SIK3: variants seen among roughly 807,000 people sequenced by gnomAD.
The protein encoded by SIK3 is serine/threonine-protein kinase SIK3.
A neutral mutation model predicts 144.2 loss-of-function variants in SIK3; 28 were observed. The ratio of observed to expected loss-of-function variants is 0.19; its 90% CI spans 0.14 to 0.27. The LOEUF is 0.27. Ranked by LOEUF, SIK3 falls within the 10% of genes least tolerant of loss-of-function variation. The pLI is 1.00. For synonymous variants in SIK3, 686 were observed against 676.3 expected, an observed-to-expected ratio of 1.01 and a Z score of -0.22; for missense variants, 1,319 against 1,776.0, an observed-to-expected ratio of 0.74 and a Z score of 4.62.
At position 116,875,333 on chromosome 11, in the gene SIK3, A is replaced by G. The variant is rs372327628; in HGVS notation, c.1317+41T>C. On this transcript the variant is annotated intron_variant, in intron 10 of 24. Transcript: ENST00000445177. Reference sequence around the variant, plus strand: ...GAAGGGAAGCAAGGATATGGCAAAGAAAGTGGTTTCAGCTGACAGCTCCCA... The same window carrying G: ...GAAGGGAAGCAAGGATATGGCAAAGGAAGTGGTTTCAGCTGACAGCTCCCA... 3.7e-6 allele frequency: 6 copies of G among 1,613,396 alleles called. No individual in the cohort carries two copies. In the African/African-American group the frequency reaches 8.0e-5, roughly 22 times the overall value.
intron 1 of SIK3, among the ~76,000 whole-genome samples, chr11:116,970,695 C>T (rs907192021): frequency 2.0e-5 from 3 of 151,930 alleles, no homozygotes; most frequent in African/African-American, 4.8e-5. Context: ...CCGTTGACCA[C>T]GCTGGAGTGC....
intron 3 of SIK3, among the ~76,000 whole-genome samples, chr11:116,952,568 T>C (rs1481636474): frequency 6.6e-6 from 1 of 152,208 alleles, no homozygotes; most frequent in East Asian, 1.9e-4. Context: ...TTCTCTCTTG[T>C]GCTTTCATTT....
In SIK3 at chr11:116,857,986, T is replaced by C. The variant is rs370240592; in HGVS notation, c.3479A>G (p.Lys1160Arg). 3 of 1,614,228 alleles carry C rather than the reference T, an allele frequency of 1.9e-6. No individual in the cohort carries two copies. Among genetic ancestry groups the C allele is most frequent in the East Asian group, 2.2e-5 (1 of 44,888 alleles). The change falls in exon 21 of 25, where the codon AAG (lysine) becomes AGG (arginine). Residue 1160 changes from lysine (K) to arginine (R), a missense_variant. By Grantham distance (26) the Lys-to-Arg change is conservative. Coordinates refer to ENST00000445177, the MANE Select transcript of SIK3 (RefSeq NM_001366686.3). ...EGAKDGFQDS[K>R]SSSTLTKGCH... ...ACCTTTGGTCAATGTACTTGAACTC[T>C]TACTGTCTTGGAAGCCATCCTTGGC...
intron 15 of SIK3, among the ~76,000 whole-genome samples, chr11:116,866,515 C>T (rs1364845920): frequency 6.6e-6 from 1 of 152,110 alleles, no homozygotes; most frequent in Non-Finnish European, 1.5e-5. Flanking sequence ...GATCTCGGCT[C>T]ACTGCAACGT....
chr11:116,936,627 G>A (rs139961185), intron 3 of SIK3, among the ~76,000 whole-genome samples: 1,754 of 152,112 alleles, frequency 0.012, 86 homozygotes, highest in Admixed American at 0.087. Context: ...TACAAAATAC[G>A]CTAAATTTTC....
rs757603586 is a variant in SIK3 at position 116,858,657 on chromosome 11, C to T, written c.2808G>A (p.Ala936=). 9 of 1,574,076 alleles carry T rather than the reference C, an allele frequency of 5.7e-6. No homozygotes were observed. The highest frequency in any genetic ancestry group is 4.5e-5 in the East Asian group (2 of 44,494). Residue 936 remains alanine (A), a synonymous_variant, in exon 21 of 25, where the codon GCG becomes GCA. Transcript: ENST00000445177. This position sits in a 1 kb window ranked among gnomAD's most constrained non-coding sequence, Gnocchi z 5.4. ...NRFSPANYDQ[A]HLHPHLFSDQ... The stretch of plus-strand genomic sequence containing the variant: ...CCGAAAACAGATGGGGGTGTAAATG[C>T]GCCTGGTCGTAGTTAGCAGGGGAGA...
chr11:117,089,459 A>C (rs1955154099), intron 1 of SIK3, among the ~76,000 whole-genome samples: 2 of 151,468 alleles, frequency 1.3e-5, no homozygotes, highest in Admixed American at 1.3e-4. Flanking sequence ...TTGGGGTGGC[A>C]AGAAGACTTC....
chr11:116,967,015 G>GAAAAA, intron 1 of SIK3, among the ~76,000 whole-genome samples: 1 of 127,860 alleles, frequency 7.8e-6, no homozygotes, highest in South Asian at 2.4e-4. Flanking sequence ...AAAAAAAAAA[G>GAAAAA]AAAAAGAAAA....
intron 6 of SIK3, among the ~76,000 whole-genome samples, chr11:116,894,859 T>C (rs969912465): frequency 1.3e-5 from 2 of 152,222 alleles, no homozygotes; most frequent in East Asian, 1.9e-4. Context: ...TGGACTATTG[T>C]AAAAGTCTCC....
chr11:117,087,595 T>C (rs1955072308), intron 1 of SIK3, among the ~76,000 whole-genome samples: 1 of 152,122 alleles, frequency 6.6e-6, no homozygotes, highest in Admixed American at 6.5e-5. Flanking sequence ...TTAAAAGCCC[T>C]ACACCCCCAA....
intron 1 of SIK3, among the ~76,000 whole-genome samples, chr11:117,087,885 A>G (rs574615407): frequency 5.1e-4 from 77 of 151,952 alleles, no homozygotes; most frequent in Non-Finnish European, 9.6e-4. Flanking sequence ...AAAAACTAGA[A>G]ATAAAATTAT....
chr11:116,940,873 A>T (rs949203921), intron 3 of SIK3, among the ~76,000 whole-genome samples: 1 of 152,152 alleles, frequency 6.6e-6, no homozygotes, highest in African/African-American at 2.4e-5. Flanking sequence ...AATAATAATA[A>T]ATGGGAAATT....
At chr11:117,021,938 A>AAAAAAAAAAAAAAAAAAAAAAAC (rs1951787679) in intron 1 of SIK3, among the ~76,000 whole-genome samples, 1 of 127,390 alleles carries the variant, frequency 7.8e-6, no homozygotes, top group Non-Finnish European at 1.6e-5. Flanking sequence ...CAAAAAAAAA[A>AAAAAAAAAAAAAAAAAAAAAAAC]AAAAAAAAAA....
intron 4 of SIK3, among the ~76,000 whole-genome samples, chr11:116,907,772 T>G (rs936740937): frequency 1.3e-5 from 2 of 152,220 alleles, no homozygotes; most frequent in Admixed American, 1.3e-4. Context: ...TCAGGAATAC[T>G]GCGTCAAGTT....
At chr11:116,939,893 AAT>A (rs1948191509) in intron 3 of SIK3, among the ~76,000 whole-genome samples, 1 of 152,226 alleles carries the variant, frequency 6.6e-6, no homozygotes, top group Non-Finnish European at 1.5e-5. Context: ...GATTATAAAA[AAT>A]TTAGACATTT....
intron 3 of SIK3, among the ~76,000 whole-genome samples, chr11:116,934,884 A>G (rs1947824499): frequency 6.6e-6 from 1 of 152,206 alleles, no homozygotes; most frequent in Non-Finnish European, 1.5e-5. Flanking sequence ...GTTCAAGACC[A>G]GCCTGGCCAA....
chr11:116,846,935 T>C lies in SIK3; in HGVS notation c.3953-382A>G, dbSNP rs1307553770. Among the ~76,000 whole-genome samples, 1 of 152,218 alleles carries C rather than the reference T, an allele frequency of 6.6e-6. No individual in the cohort carries two copies. The highest frequency in any genetic ancestry group is 2.1e-4 in the South Asian group (1 of 4,834). On this transcript the variant is annotated intron_variant, in intron 23 of 24. Transcript: ENST00000445177. This position sits in a 1 kb window ranked among gnomAD's most constrained non-coding sequence, Gnocchi z 4.1. ...TGGGCACTGTCTGTCTTCCAGACAC[T>C]GTGCTAAGCACTTGATACTCACTAA...
intron 1 of SIK3, among the ~76,000 whole-genome samples, chr11:117,094,555 C>CTCTG (rs1955386098): frequency 6.6e-6 from 1 of 152,104 alleles, no homozygotes; most frequent in African/African-American, 2.4e-5. Context: ...TTACAGTGAA[C>CTCTG]TCTGGCAGTG....
intron 1 of SIK3, among the ~76,000 whole-genome samples, chr11:116,972,574 T>A (rs938350214): frequency 6.6e-6 from 1 of 152,166 alleles, no homozygotes; most frequent in African/African-American, 2.4e-5. Context: ...ACCAGCTCTA[T>A]TGGGTTAAAC....
Sources: gnomAD v4.1 joint callset for allele counts (sites outside exome capture counted in the v4.1 genomes callset) on GRCh38, gnomAD v4.1.1 for gene constraint, Gnocchi (gnomAD v3.1) non-coding constraint, MANE v1.5 for transcripts, NCBI Gene and HGNC (gene_info 2026-07-23, HGNC 2026-07-21) for gene names.